Variants in SETBP1 observed in about 807,000 individuals in gnomAD.
SETBP1 encodes SET-binding protein.
Under a neutral mutation model 101.0 loss-of-function variants are expected in SETBP1, and 9 were observed. The observed-to-expected ratio is 0.09, with a 90% confidence interval of 0.05 to 0.16. SETBP1 has a LOEUF of 0.16. Among genes scored for constraint, SETBP1 ranks in the 10% least tolerant of loss-of-function variants. The pLI, the probability that SETBP1 is intolerant of heterozygous loss-of-function variation, is 1.00. For synonymous variants in SETBP1, 818 were observed against 788.5 expected, an observed-to-expected ratio of 1.04 and a Z score of -0.63; for missense variants, 1,858 against 2,033.8, an observed-to-expected ratio of 0.91 and a Z score of 1.66.
At chr18:44,698,967 C>G (rs1555669246) in intron 1 of SETBP1, among the ~76,000 whole-genome samples, 1 of 151,820 alleles carries the variant, frequency 6.6e-6, no homozygotes, top group Non-Finnish European at 1.5e-5. Flanking sequence ...TGAAGTGAAT[C>G]TTTTTTTAAT....
intron 2 of SETBP1, among the ~76,000 whole-genome samples, chr18:44,797,124 C>A (rs1466975897): frequency 6.6e-6 from 1 of 152,186 alleles, no homozygotes; most frequent in Non-Finnish European, 1.5e-5. Flanking sequence ...AGATGTTCAG[C>A]AGTGGTCTCA....
At chr18:44,718,141 G>A (rs1703793168) in intron 2 of SETBP1, among the ~76,000 whole-genome samples, 1 of 152,210 alleles carries the variant, frequency 6.6e-6, no homozygotes, top group African/African-American at 2.4e-5. Flanking sequence ...ATGAAAACAA[G>A]TCTTGCCTGA....
At chr18:44,993,946 A>G (rs2072437057) in intron 4 of SETBP1, among the ~76,000 whole-genome samples, 1 of 152,098 alleles carries the variant, frequency 6.6e-6, no homozygotes, top group African/African-American at 2.4e-5. Flanking sequence ...GCAACACTTT[A>G]TGGCCCCAGA....
intron 4 of SETBP1, among the ~76,000 whole-genome samples, chr18:45,024,028 A>G (rs143568129): frequency 2.6e-5 from 4 of 152,322 alleles, no homozygotes; most frequent in African/African-American, 7.2e-5. Flanking sequence ...TTCTTTTCTT[A>G]TAAGTGGCAT....
chr18:45,018,159 C>T (rs1382563441), intron 4 of SETBP1, among the ~76,000 whole-genome samples: 2 of 152,170 alleles, frequency 1.3e-5, no homozygotes, highest in African/African-American at 4.8e-5. Context: ...TAAAGACACT[C>T]ACAGTTAAAC....
At chr18:45,003,861 T>C (rs1302175305) in intron 4 of SETBP1, among the ~76,000 whole-genome samples, 1 of 152,190 alleles carries the variant, frequency 6.6e-6, no homozygotes, top group Non-Finnish European at 1.5e-5. Flanking sequence ...CTTTATGACT[T>C]AGGTGTGGGT....
intron 2 of SETBP1, among the ~76,000 whole-genome samples, chr18:44,745,031 G>T (rs2144499187): frequency 6.6e-6 from 1 of 152,158 alleles, no homozygotes; most frequent in South Asian, 2.1e-4. Context: ...TTTGTTGTGG[G>T]GGCCTCATTG....
At chr18:45,042,116 C>CTGAGAAAA (rs1300985095) in intron 5 of SETBP1, among the ~76,000 whole-genome samples, 1 of 148,110 alleles carries the variant, frequency 6.8e-6, no homozygotes, top group Non-Finnish European at 1.5e-5. Context: ...TGAGAGACAT[C>CTGAGAAAA]TGAGAAAAAC....
intron 2 of SETBP1, among the ~76,000 whole-genome samples, chr18:44,800,921 C>A (rs1048008481): frequency 6.6e-5 from 10 of 152,138 alleles, no homozygotes; most frequent in Non-Finnish European, 1.5e-4. Flanking sequence ...GAAAATGTGG[C>A]ACATATACAC....
rs576409018 is a variant in SETBP1 at position 44,759,714 on chromosome 18, A to C, written c.486+57882A>C. The stretch of plus-strand genomic sequence containing the variant: ...GGCAATTTGATTGAAGAACTAATCT[A>C]GCACATTTTATGATGTTAGGCAAGT... On this transcript the variant is annotated intron_variant, in intron 2 of 5. Transcript: ENST00000649279. 1.4e-4 allele frequency among the ~76,000 whole-genome samples: 21 copies of C among 152,372 alleles called. No individual in the cohort carries two copies. In the East Asian group the frequency reaches 4.0e-3, roughly 29 times the overall value.
At chr18:44,745,362 C>T (rs973910974) in intron 2 of SETBP1, among the ~76,000 whole-genome samples, 1 of 151,954 alleles carries the variant, frequency 6.6e-6, no homozygotes, top group African/African-American at 2.4e-5. Context: ...GGTGGAAAAA[C>T]GCTGCGGGGC....
intron 2 of SETBP1, among the ~76,000 whole-genome samples, chr18:44,702,188 G>A (rs72907603): frequency 0.079 from 11,974 of 152,268 alleles, 504 homozygotes; most frequent in South Asian, 0.096. Flanking sequence ...AAGTGGAAGT[G>A]CACCATCATA....
At chr18:44,850,834 A>G (rs1208163181) in intron 2 of SETBP1, among the ~76,000 whole-genome samples, 2 of 152,350 alleles carry the variant, frequency 1.3e-5, no homozygotes, top group Non-Finnish European at 2.9e-5. Context: ...ATTAAATCAC[A>G]GTAGATGTTC....
At chr18:44,892,575 G>T (rs1206027410) in intron 3 of SETBP1, among the ~76,000 whole-genome samples, 4 of 152,066 alleles carry the variant, frequency 2.6e-5, no homozygotes, top group African/African-American at 9.7e-5. Context: ...TCTTGTCTCT[G>T]CTTGAAAGTT....
Position 44,950,217 on chromosome 18 carries a change from C to G in SETBP1, c.877C>G (p.Pro293Ala). The G allele has an allele frequency of 6.2e-7, 1 of 1,613,914 alleles. No individual in the cohort carries two copies. Among genetic ancestry groups the G allele is most frequent in the South Asian group, 1.1e-5 (1 of 91,086 alleles). Residue 293 changes from proline to alanine, a missense_variant, in exon 4 of 6, where the codon CCA becomes GCA. Pro to Ala is a conservative substitution (Grantham distance 27). This residue lies in a region of SETBP1 where 581 missense variants were observed against 535.1 expected (regional missense o/e 1.09). Transcript: ENST00000649279. ...GCTCTTGGGAGGTGTGGCTCCATCC[C>G]CAAGCAGCCACAGCTCACCAGCCCC... ...DLLLGGVAPS[P>A]SSHSSPAPPS... is the part of the protein sequence containing the mutation.
At chr18:44,914,066 C>T (rs1422402243) in intron 3 of SETBP1, among the ~76,000 whole-genome samples, 1 of 152,212 alleles carries the variant, frequency 6.6e-6, no homozygotes, top group Non-Finnish European at 1.5e-5. Flanking sequence ...AGGCCCTAGA[C>T]TCAGTGTAGA....
At chr18:44,724,870 T>C (rs1188115701) in intron 2 of SETBP1, among the ~76,000 whole-genome samples, 2 of 152,018 alleles carry the variant, frequency 1.3e-5, no homozygotes, top group Non-Finnish European at 1.5e-5. Context: ...GACTACATAA[T>C]GAGTGGGGGT....
At chr18:44,842,224 C>T (rs565784185) in intron 2 of SETBP1, among the ~76,000 whole-genome samples, 67 of 152,146 alleles carry the variant, frequency 4.4e-4, no homozygotes, top group Non-Finnish European at 6.5e-4. Context: ...TCAGGCTTCC[C>T]GTGCTTGCCC....
chr18:44,877,175 T>C, intron 3 of SETBP1: 2 of 934,186 alleles, frequency 2.1e-6, no homozygotes, highest in Non-Finnish European at 2.6e-6. Flanking sequence ...CAAGTGTGTG[T>C]CGCTGGTCCA....
Sources: gnomAD v4.1 joint callset for allele counts (sites outside exome capture counted in the v4.1 genomes callset) on GRCh38, gnomAD v4.1.1 for gene constraint, gnomAD v4.1.1 regional missense constraint, MANE v1.5 for transcripts, NCBI Gene and HGNC (gene_info 2026-07-23, HGNC 2026-07-21) for gene names.